STK32B: variants seen among roughly 807,000 people sequenced by gnomAD.
STK32B encodes the protein serine/threonine-protein kinase 32B.
A neutral mutation model predicts 52.6 loss-of-function variants in STK32B; 43 were observed. The observed-to-expected ratio is 0.82, with a 90% CI of 0.64 to 1.05. STK32B has a LOEUF of 1.05. STK32B is among the 50% of genes least tolerant of loss of function. The probability of loss-of-function intolerance (pLI) is 0.00; values close to 1 mark genes in which losing one functional copy is unlikely to be tolerated. For synonymous variants in STK32B, 238 were observed against 204.3 expected (o/e 1.17, Z -1.41); for missense variants, 621 against 534.6 (o/e 1.16, Z -1.59).
At chr4:5,223,865 A>G (rs1159047921) in intron 3 of STK32B, among the ~76,000 whole-genome samples, 1 of 151,436 alleles carries the variant, frequency 6.6e-6, no homozygotes, top group African/African-American at 2.4e-5. Context: ...TTAAGACTTA[A>G]TGTTGTTTAC....
intron 3 of STK32B, among the ~76,000 whole-genome samples, chr4:5,288,086 C>T (rs1299353061): frequency 6.6e-6 from 1 of 152,156 alleles, no homozygotes; most frequent in Non-Finnish European, 1.5e-5. Context: ...TGTATCAGTA[C>T]TTCAATTCTT....
intron 3 of STK32B, among the ~76,000 whole-genome samples, chr4:5,252,185 A>G (rs1725981238): frequency 1.3e-5 from 2 of 152,180 alleles, no homozygotes; most frequent in Admixed American, 6.5e-5. Context: ...GCTCAGAGTC[A>G]CTACTTTTTA....
At chr4:5,493,525 A>C (rs560561663) in intron 11 of STK32B, among the ~76,000 whole-genome samples, 2 of 152,176 alleles carry the variant, frequency 1.3e-5, no homozygotes, top group Admixed American at 6.5e-5. Context: ...CTTTCAAAAA[A>C]CCAGCTCCTG....
rs988026358 is a variant in STK32B at position 5,378,893 on chromosome 4, G to A, written c.435-19314G>A. On this transcript the variant is annotated intron_variant, in intron 4 of 11. Transcript: ENST00000282908. The surrounding 1 kb of genome is among the most constrained non-coding windows in gnomAD (Gnocchi z 4.4). ...CTGCCATCCTTGCAGCATTAAAGGC[G>A]TCATCTGCAAAAGGGGTGACAATTC... is the stretch of plus-strand genomic sequence containing the variant. Among the ~76,000 whole-genome samples the A allele has an allele frequency of 5.9e-5, 9 of 152,118 alleles. No individual in the cohort carries two copies. The highest frequency in any genetic ancestry group is 1.4e-4 in the African/African-American group (6 of 41,408).
At chr4:5,196,791 C>G (rs1011757038) in intron 3 of STK32B, among the ~76,000 whole-genome samples, 2 of 151,514 alleles carry the variant, frequency 1.3e-5, no homozygotes, top group African/African-American at 4.8e-5. Context: ...AGTGAGAAAA[C>G]AAAAGGAAGA....
chr4:5,457,987 A>G (rs1470464960), intron 8 of STK32B, among the ~76,000 whole-genome samples: 1 of 151,478 alleles, frequency 6.6e-6, no homozygotes. Flanking sequence ...GAAGGAAGGA[A>G]TCAATCTCCT....
intron 2 of STK32B, among the ~76,000 whole-genome samples, chr4:5,144,791 T>C (rs200409694): frequency 4.6e-5 from 6 of 130,868 alleles, no homozygotes; most frequent in Admixed American, 2.9e-4. Flanking sequence ...CACTCATCCA[T>C]CCATCCATCC....
chr4:5,443,663 G>C (rs1715019142), intron 6 of STK32B, among the ~76,000 whole-genome samples: 1 of 152,148 alleles, frequency 6.6e-6, no homozygotes, highest in Non-Finnish European at 1.5e-5. Context: ...TTCCTTTGGA[G>C]GAGGAGAGGC....
At chr4:5,165,842 A>G (rs3806724) in intron 2 of STK32B, among the ~76,000 whole-genome samples, 29,562 of 152,128 alleles carry the variant, frequency 0.19, 3,597 homozygotes, top group East Asian at 0.29. Context: ...TACTCTGTGG[A>G]AAAAACATCT....
At chr4:5,476,402 T>A (rs1482415355) in intron 11 of STK32B, among the ~76,000 whole-genome samples, 1 of 152,134 alleles carries the variant, frequency 6.6e-6, no homozygotes, top group East Asian at 1.9e-4. Flanking sequence ...AATATCCAAG[T>A]GAAGTAAAGG....
intron 3 of STK32B, among the ~76,000 whole-genome samples, chr4:5,174,864 G>C (rs1249093291): frequency 6.6e-6 from 1 of 152,142 alleles, no homozygotes; most frequent in Non-Finnish European, 1.5e-5. Flanking sequence ...GCTAGATTGG[G>C]GAAGTTCTCC....
intron 6 of STK32B, among the ~76,000 whole-genome samples, chr4:5,426,645 G>A (rs942179022): frequency 3.2e-5 from 4 of 123,702 alleles, no homozygotes; most frequent in African/African-American, 3.2e-5. Context: ...AGCCAAGATC[G>A]CATCACTGCA....
chr4:5,469,470 C>T lies in STK32B; in HGVS notation c.1106+1400C>T, dbSNP rs1239748122. On this transcript the variant is annotated intron_variant, in intron 11 of 11. Coordinates refer to ENST00000282908, the MANE Select transcript of STK32B (RefSeq NM_018401.3). The surrounding 1 kb of genome is among the most constrained non-coding windows in gnomAD (Gnocchi z 4.7). ...GCATTCCAGGAGTAGGAAAAGTGCACAGAGAAGGAAGACAGCATGGCTGCC... is the reference window on the plus strand; with the variant it reads ...GCATTCCAGGAGTAGGAAAAGTGCATAGAGAAGGAAGACAGCATGGCTGCC... Among the ~76,000 whole-genome samples, 1 of 152,126 alleles carries T rather than the reference C, an allele frequency of 6.6e-6. No homozygotes were observed. Among genetic ancestry groups the T allele is most frequent in the African/African-American group, 2.4e-5 (1 of 41,436 alleles).
intron 4 of STK32B, among the ~76,000 whole-genome samples, chr4:5,332,240 G>A (rs1732305507): frequency 6.6e-6 from 1 of 152,178 alleles, no homozygotes; most frequent in Non-Finnish European, 1.5e-5. Context: ...TATGAAGATA[G>A]GGAACACTGA....
At chr4:5,278,330 C>T (rs763130841) in intron 3 of STK32B, among the ~76,000 whole-genome samples, 25 of 152,144 alleles carry the variant, frequency 1.6e-4, no homozygotes, top group Admixed American at 5.9e-4. Context: ...TGCAGCTGCC[C>T]AGGGGGCAGA....
intron 6 of STK32B, among the ~76,000 whole-genome samples, chr4:5,444,794 A>G (rs1181857462): frequency 3.3e-5 from 5 of 152,182 alleles, no homozygotes; most frequent in African/African-American, 1.2e-4. Flanking sequence ...ATTATTATCT[A>G]CATTCTACAC....
chr4:5,480,066 G>C (rs1718561619), intron 11 of STK32B, among the ~76,000 whole-genome samples: 1 of 152,128 alleles, frequency 6.6e-6, no homozygotes, highest in Non-Finnish European at 1.5e-5. Context: ...CACATGTTAA[G>C]CATTTAACAG....
intron 1 of STK32B, among the ~76,000 whole-genome samples, chr4:5,114,486 C>G (rs781296054): frequency 6.6e-6 from 1 of 152,018 alleles, no homozygotes; most frequent in Non-Finnish European, 1.5e-5. Context: ...TCTTATTTCT[C>G]CTGGTGTCCC....
chr4:5,375,202 A>G (rs1735510596), intron 4 of STK32B, among the ~76,000 whole-genome samples: 1 of 149,902 alleles, frequency 6.7e-6, no homozygotes, highest in African/African-American at 2.5e-5. Context: ...CTCGTCCCCC[A>G]CTCTGTCTGC....
Sources: gnomAD v4.1 joint callset for allele counts (sites outside exome capture counted in the v4.1 genomes callset) on GRCh38, gnomAD v4.1.1 for gene constraint, Gnocchi (gnomAD v3.1) non-coding constraint, MANE v1.5 for transcripts, NCBI Gene and HGNC (gene_info 2026-07-23, HGNC 2026-07-21) for gene names.